TJP3: variants seen among roughly 807,000 people sequenced by gnomAD.
The protein encoded by TJP3 is tight junction protein ZO-3.
In TJP3, 85 loss-of-function variants were observed where a neutral mutation model predicts 104.2. The observed-to-expected ratio is 0.82, with a 90% CI of 0.68 to 0.98. The LOEUF (loss-of-function observed/expected upper bound fraction) is 0.98. TJP3 is among the 50% of genes least tolerant of loss of function. TJP3 has a pLI of 0.00. For synonymous variants in TJP3, 550 were observed against 550.6 expected, an observed-to-expected ratio of 1.00 and a Z score of 0.02; for missense variants, 1,367 against 1,322.8, an observed-to-expected ratio of 1.03 and a Z score of -0.52.
At position 3,746,126 on chromosome 19, in the gene TJP3, A is replaced by G. The variant is rs2036883982; in HGVS notation, c.2010+45A>G. 1.3e-6 allele frequency: 2 copies of G among 1,555,118 alleles called. No homozygotes were observed. Among genetic ancestry groups the G allele is most frequent in the East Asian group, 2.3e-5 (1 of 42,982 alleles). ...GGGTCCCATTTCATGGATGGGGGAAACCGAGGCCTGGGCATCCAACTGAAT... is the reference window on the plus strand; with the variant it reads ...GGGTCCCATTTCATGGATGGGGGAAGCCGAGGCCTGGGCATCCAACTGAAT... On this transcript the variant is annotated intron_variant, in intron 16 of 20. Coordinates refer to ENST00000541714, the MANE Select transcript of TJP3 (RefSeq NM_001267560.2). This position sits in a 1 kb window ranked among gnomAD's most constrained non-coding sequence, Gnocchi z 4.1.
intron 1 of TJP3, chr19:3,721,772 G>C (rs630335): frequency 0.23 from 108,696 of 464,142 alleles, 13,806 homozygotes; most frequent in East Asian, 0.35. Context: ...AGGAGGACGA[G>C]AGCCCGGCCC....
At chr19:3,709,887 C>T (rs1057089294) in intron 1 of TJP3, among the ~76,000 whole-genome samples, 29 of 152,268 alleles carry the variant, frequency 1.9e-4, no homozygotes, top group African/African-American at 6.5e-4. Context: ...CGGTGGCTCA[C>T]GCCTGTAATC....
At chr19:3,733,322 CA>C (rs1230133029) in intron 6 of TJP3, among the ~76,000 whole-genome samples, 1 of 152,218 alleles carries the variant, frequency 6.6e-6, no homozygotes, top group Non-Finnish European at 1.5e-5. Context: ...AGGCGTGAGC[CA>C]CCGCGCCCCA....
chr19:3,721,794 T>A (rs1046396105), intron 1 of TJP3: 2 of 609,356 alleles, frequency 3.3e-6, no homozygotes, highest in African/African-American at 3.8e-5. Flanking sequence ...CAGCCCGCTG[T>A]GACTCTCCTC....
chr19:3,727,064 G>A (rs189268923), intron 1 of TJP3, among the ~76,000 whole-genome samples: 2 of 152,028 alleles, frequency 1.3e-5, no homozygotes, highest in East Asian at 3.9e-4. Flanking sequence ...TCCAGCCTGA[G>A]TGACAGAGAC....
chr19:3,736,380 T>C, intron 11 of TJP3, 59 bp downstream of exon 11: 1 of 1,428,454 alleles, frequency 7.0e-7, no homozygotes, highest in Non-Finnish European at 9.2e-7. Flanking sequence ...TGCTAGGTCC[T>C]GCCCTTGTCT....
At chr19:3,739,241 T>G in intron 13 of TJP3, 107 bp downstream of exon 13, 1 of 1,057,130 alleles carries the variant, frequency 9.5e-7, no homozygotes. Context: ...CCTGTAATCC[T>G]GGCACTTTGG....
chr19:3,740,759 A>G lies in TJP3; in HGVS notation c.1839A>G (p.Arg613=). 1 of 1,572,466 alleles carries G rather than the reference A, an allele frequency of 6.4e-7. No homozygotes were observed. Among genetic ancestry groups the G allele is most frequent in the Non-Finnish European group, 8.6e-7 (1 of 1,160,244 alleles). ...RYPPYERVVL[R]EASFKRPVVI... ...CGCCCTACGAACGAGTGGTGTTGCG[A>G]GAAGGTGGGGCCCGGAGCTGGAGGG... The change falls in exon 14 of 21, where the codon CGA becomes CGG. Residue 613 remains arginine (R), a synonymous_variant. Transcript: ENST00000541714.
chr19:3,736,014 T>C (rs2036734379), intron 10 of TJP3, 79 bp downstream of exon 10: 1 of 1,596,534 alleles, frequency 6.3e-7, no homozygotes, highest in Non-Finnish European at 8.6e-7. Flanking sequence ...CAATCCTGCC[T>C]GCTTGTATCC....
chr19:3,748,161 T>A, intron 19 of TJP3, 80 bp downstream of exon 19: 1 of 1,440,286 alleles, frequency 6.9e-7, no homozygotes. Context: ...ACTGGGAGCC[T>A]GTTTTCTACC....
chr19:3,735,451 G>C, intron 8 of TJP3, 115 bp from the exon 9 acceptor site: 1 of 1,031,312 alleles, frequency 9.7e-7, no homozygotes, highest in Non-Finnish European at 1.5e-6. Flanking sequence ...TGCCCACCTC[G>C]ACCTCCCAAA....
intron 2 of TJP3, 48 bp from the exon 3 acceptor site, chr19:3,728,556 T>G (rs765589172): frequency 1.2e-6 from 2 of 1,600,510 alleles, no homozygotes; most frequent in African/African-American, 2.7e-5. Context: ...GGGAGACCCT[T>G]TACCCTGGGG....
At chr19:3,743,653 G>A (rs2036850000) in intron 14 of TJP3, 2 of 331,202 alleles carry the variant, frequency 6.0e-6, no homozygotes, top group East Asian at 5.8e-5. Context: ...AGACCCTACA[G>A]CCAGGAAGAA....
In TJP3 at chr19:3,750,741, C is replaced by CAA; in HGVS notation, c.*58_*59insAA. 3 of 1,446,940 alleles carry CAA rather than the reference C, an allele frequency of 2.1e-6. No individual in the cohort carries two copies. The highest frequency in any genetic ancestry group is 2.9e-6 in the Non-Finnish European group (3 of 1,050,122). The allele number at this position is 1,446,940 out of a possible 1,614,324, so 89.6% of individuals were successfully genotyped here. ...CTTCTCCCTCCCTGGGGCTGGGACT[C>CAA]AGTTTCCCATACAGAACCCACAACC... On this transcript the variant is annotated 3_prime_UTR_variant, in exon 21 of 21. Coordinates refer to ENST00000541714, the MANE Select transcript of TJP3 (RefSeq NM_001267560.2).
At chr19:3,747,729 G>C in intron 18 of TJP3, 65 bp from the exon 19 acceptor site, 17 of 1,456,050 alleles carry the variant, frequency 1.2e-5, no homozygotes, top group Non-Finnish European at 1.4e-5. Flanking sequence ...AAGGTGGGGG[G>C]ATGTCGTGGG....
intron 1 of TJP3, among the ~76,000 whole-genome samples, chr19:3,720,449 CTTTCTTT>C (rs1459500263): frequency 6.6e-6 from 1 of 152,160 alleles, no homozygotes; most frequent in Non-Finnish European, 1.5e-5. Context: ...TCCAGGCAGC[CTTTCTTT>C]TACCGCTAGA....
In TJP3 at chr19:3,728,680, T is replaced by C; in HGVS notation, c.125T>C (p.Val42Ala). ...RPGGSMVVSD[V>A]VPGGPAEGRL... ...GGTGGATCCATGGTTGTATCTGACG[T>C]GGTACCTGGAGGGCCGGCGGAGGGC... The change falls in exon 3 of 21, where the codon GTG (valine) becomes GCG (alanine). Residue 42 changes from valine to alanine, a missense_variant. Coordinates refer to ENST00000541714, the MANE Select transcript of TJP3 (RefSeq NM_001267560.2). 6.2e-7 allele frequency: 1 copy of C among 1,613,732 alleles called. No individual in the cohort carries two copies. Among genetic ancestry groups the C allele is most frequent in the Non-Finnish European group, 8.5e-7 (1 of 1,179,974 alleles).
Position 3,748,094 on chromosome 19 carries a change from T to TG in TJP3, c.2610+19dup. Reference sequence around the variant, plus strand: ...TCAGGGGGCCCAGGTGCGTCGGACATGGGGGGCAGGCCTGGGAAGGGTCTC... The same window carrying TG: ...TCAGGGGGCCCAGGTGCGTCGGACATGGGGGGGCAGGCCTGGGAAGGGTCTC... On this transcript the variant is annotated intron_variant, in intron 19 of 20. Coordinates refer to ENST00000541714, the MANE Select transcript of TJP3 (RefSeq NM_001267560.2). The TG allele has an allele frequency of 6.5e-7, 1 of 1,541,004 alleles. No homozygotes were observed.
chr19:3,718,245 GTGTGTGTGTGTC>G (rs1285765412), intron 1 of TJP3, among the ~76,000 whole-genome samples: 5,687 of 96,982 alleles, frequency 0.059, 391 homozygotes, highest in African/African-American at 0.15. Flanking sequence ...GTGTGTGTGT[GTGTGTGTGTGTC>G]TGTGTGTGTG....
Sources: gnomAD v4.1 joint callset for allele counts (sites outside exome capture counted in the v4.1 genomes callset) on GRCh38, gnomAD v4.1.1 for gene constraint, Gnocchi (gnomAD v3.1) non-coding constraint, MANE v1.5 for transcripts, NCBI Gene and HGNC (gene_info 2026-07-23, HGNC 2026-07-21) for gene names.